The following DIAPH2 variants were observed in gnomAD, a reference collection of about 807,000 sequenced individuals.
The protein encoded by DIAPH2 is protein diaphanous homolog 2.
Under a neutral mutation model 92.7 loss-of-function variants are expected in DIAPH2, and 35 were observed. That is an observed-to-expected ratio of 0.38 (90% CI 0.29 to 0.50). DIAPH2 has a LOEUF of 0.50. DIAPH2 is among the 20% of genes least tolerant of loss of function. The probability of loss-of-function intolerance (pLI) is 0.94; values close to 1 mark genes in which losing one functional copy is unlikely to be tolerated. For synonymous variants in DIAPH2, 301 were observed against 280.4 expected (o/e 1.07, Z -0.73); for missense variants, 701 against 819.5 (o/e 0.86, Z 1.77).
At chrX:96,752,937 A>G (rs1230327593) in intron 3 of DIAPH2, among the ~76,000 whole-genome samples, 5 of 111,783 alleles carry the variant, frequency 4.5e-5, no homozygotes, top group Non-Finnish European at 9.4e-5. Flanking sequence ...TGAGGTGTAT[A>G]ATCTTACATT....
At chrX:96,798,460 TC>T (rs1263751703) in intron 4 of DIAPH2, among the ~76,000 whole-genome samples, 12 of 111,564 alleles carry the variant, frequency 1.1e-4, no homozygotes, top group Non-Finnish European at 2.1e-4. Flanking sequence ...TCATTTGATT[TC>T]TTTTTTTTTG....
rs187213384 is a variant in DIAPH2, at chrX:96,962,903, T to C, written c.1936-2190T>C. On this transcript the variant is annotated intron_variant, in intron 16 of 26. Coordinates refer to ENST00000324765, the MANE Select transcript of DIAPH2 (RefSeq NM_006729.5). Reference sequence around the variant, plus strand: ...TCTGTAGTGTTAACATTTGAGTCCTTTCTCTTTCTCATTTGTGTATCTGCT... The same window carrying C: ...TCTGTAGTGTTAACATTTGAGTCCTCTCTCTTTCTCATTTGTGTATCTGCT... Among the ~76,000 whole-genome samples the C allele has an allele frequency of 1.3e-4, 14 of 111,024 alleles. No individual in the cohort carries two copies. The East Asian group carries it at 4.0e-3, about 32-fold the overall frequency.
At chrX:97,376,180 G>A (rs1203629142) in intron 24 of DIAPH2, among the ~76,000 whole-genome samples, 1 of 110,773 alleles carries the variant, frequency 9.0e-6, no homozygotes, top group Non-Finnish European at 1.9e-5. Context: ...AGTCCTGTAA[G>A]GCATGTTGAA....
intron 23 of DIAPH2, among the ~76,000 whole-genome samples, chrX:97,280,856 C>T (rs1445877337): frequency 1.8e-5 from 2 of 111,606 alleles, no homozygotes; most frequent in East Asian, 5.6e-4. Flanking sequence ...CTCTGCATTT[C>T]CCCGGGTCCC....
At chrX:96,724,346 C>G (rs760513136) in intron 1 of DIAPH2, among the ~76,000 whole-genome samples, 37 of 111,977 alleles carry the variant, frequency 3.3e-4, no homozygotes, top group Non-Finnish European at 6.0e-4. Context: ...ATTGGCCAAA[C>G]TGTTATAAAA....
At chrX:97,015,005 AT>A (rs2147866797) in intron 17 of DIAPH2, among the ~76,000 whole-genome samples, 1 of 111,681 alleles carries the variant, frequency 9.0e-6, no homozygotes, top group Non-Finnish European at 1.9e-5. Flanking sequence ...ACCTAATTTT[AT>A]TTTTTAGTAT....
At chrX:97,378,130 C>A (rs959023811) in intron 24 of DIAPH2, among the ~76,000 whole-genome samples, 8 of 109,996 alleles carry the variant, frequency 7.3e-5, no homozygotes, top group African/African-American at 2.3e-4. Context: ...CACCTACAAT[C>A]CCAGCACTTT....
chrX:97,303,120 T>A (rs1196399107), intron 23 of DIAPH2, among the ~76,000 whole-genome samples: 1 of 112,845 alleles, frequency 8.9e-6, no homozygotes, highest in Non-Finnish European at 1.9e-5. Flanking sequence ...GGATTTGCAT[T>A]TCTTTTACTT....
chrX:96,942,486 G>T (rs1017824419), intron 13 of DIAPH2, among the ~76,000 whole-genome samples: 1 of 110,944 alleles, frequency 9.0e-6, no homozygotes, highest in Non-Finnish European at 1.9e-5. Flanking sequence ...TGGTACCTTA[G>T]TGGTCTTGTA....
intron 26 of DIAPH2, among the ~76,000 whole-genome samples, chrX:97,504,959 CA>C (rs1009183054): frequency 1.7e-4 from 19 of 111,650 alleles, no homozygotes; most frequent in Non-Finnish European, 5.6e-5. Context: ...AAATACATCA[CA>C]CGGCTGTAAT....
At chrX:97,166,424 G>A (rs181908749) in intron 22 of DIAPH2, among the ~76,000 whole-genome samples, 1 of 111,736 alleles carries the variant, frequency 8.9e-6, no homozygotes. Context: ...TAAAAAGACT[G>A]GGAGATGCGA....
intron 5 of DIAPH2, among the ~76,000 whole-genome samples, chrX:96,888,542 C>T (rs1371444382): frequency 1.0e-5 from 1 of 95,377 alleles, no homozygotes; most frequent in Non-Finnish European, 2.1e-5. Context: ...TATATACATA[C>T]AGATATATAT....
intron 23 of DIAPH2, among the ~76,000 whole-genome samples, chrX:97,319,391 C>CTT (rs757762768): frequency 3.9e-5 from 4 of 101,439 alleles, no homozygotes; most frequent in Non-Finnish European, 4.0e-5. Flanking sequence ...TAAAATTCCC[C>CTT]TTTTTTTTTT....
intron 22 of DIAPH2, among the ~76,000 whole-genome samples, chrX:97,146,007 C>CTTTTTTTTT (rs372292277): frequency 1.2e-4 from 5 of 43,172 alleles, no homozygotes; most frequent in East Asian, 9.5e-4. Context: ...TTTCTTCTTC[C>CTTTTTTTTT]TTTTTTTTTT....
chrX:96,837,403 C>CT (rs2064903222), intron 4 of DIAPH2, among the ~76,000 whole-genome samples: 3 of 45,721 alleles, frequency 6.6e-5, no homozygotes, highest in Non-Finnish European at 1.1e-4. Context: ...CTTCCTCCCT[C>CT]CCTCTCTCTC....
chrX:96,802,501 C>A (rs776197149), intron 4 of DIAPH2, among the ~76,000 whole-genome samples: 1 of 111,892 alleles, frequency 8.9e-6, no homozygotes, highest in East Asian at 2.8e-4. Context: ...CTGAGCCATT[C>A]AAATATTAGC....
intron 1 of DIAPH2, among the ~76,000 whole-genome samples, chrX:96,730,841 G>T (rs1218324488): frequency 9.0e-6 from 1 of 111,012 alleles, no homozygotes; most frequent in Non-Finnish European, 1.9e-5. Context: ...TGAGCAACAA[G>T]GCTGTTTATT....
At chrX:97,415,774 G>A (rs2069938836) in intron 25 of DIAPH2, among the ~76,000 whole-genome samples, 1 of 110,601 alleles carries the variant, frequency 9.0e-6, no homozygotes, top group Non-Finnish European at 1.9e-5. Context: ...AATGGATGCA[G>A]CAAACCAACA....
chrX:96,932,101 A>G lies in DIAPH2; in HGVS notation c.1089+1258A>G, dbSNP rs547254832. Among the ~76,000 whole-genome samples the G allele has an allele frequency of 1.3e-4, 14 of 110,680 alleles. No individual in the cohort carries two copies. The South Asian group carries it at 2.7e-3, about 22-fold the overall frequency. On this transcript the variant is annotated intron_variant, in intron 10 of 26. Transcript: ENST00000324765. ...CTGTAGCCTTGGATAGCTAAAGATAATCGTATGGTCTTGATTGTAGTTTGC... is the reference window on the plus strand; with the variant it reads ...CTGTAGCCTTGGATAGCTAAAGATAGTCGTATGGTCTTGATTGTAGTTTGC...
Sources: gnomAD v4.1 joint callset for allele counts (sites outside exome capture counted in the v4.1 genomes callset) on GRCh38, gnomAD v4.1.1 for gene constraint, MANE v1.5 for transcripts, NCBI Gene and HGNC (gene_info 2026-07-23, HGNC 2026-07-21) for gene names.